Variants in PTPRT observed in about 807,000 individuals in gnomAD.
PTPRT encodes the protein protein tyrosine phosphatase receptor type T.
A neutral mutation model predicts 176.8 loss-of-function variants in PTPRT; 56 were observed. The ratio of observed to expected loss-of-function variants is 0.32; its 90% CI spans 0.26 to 0.40. The LOEUF (loss-of-function observed/expected upper bound fraction) is 0.40. Among genes scored for constraint, PTPRT ranks in the 10% least tolerant of loss-of-function variants. The probability of loss-of-function intolerance (pLI) is 1.00; values close to 1 mark genes in which losing one functional copy is unlikely to be tolerated. For synonymous variants in PTPRT, 783 were observed against 739.0 expected (o/e 1.06, Z -0.96); for missense variants, 1,540 against 1,908.2 (o/e 0.81, Z 3.60).
intron 23 of PTPRT, 130 bp from the exon 24 acceptor site, chr20:42,107,051 TTTC>T: frequency 8.4e-7 from 1 of 1,184,726 alleles, no homozygotes. Context: ...CCACATTTCC[TTTC>T]TTAATATGTA....
chr20:42,383,157 G>A (rs559448259), intron 9 of PTPRT, among the ~76,000 whole-genome samples: 1 of 152,284 alleles, frequency 6.6e-6, no homozygotes, highest in South Asian at 2.1e-4. Context: ...AATTTGAGTG[G>A]TTTAAAACAC....
At chr20:42,809,277 C>T (rs964419782) in intron 2 of PTPRT, among the ~76,000 whole-genome samples, 7 of 152,142 alleles carry the variant, frequency 4.6e-5, no homozygotes, top group African/African-American at 9.7e-5. Flanking sequence ...AAAGGGCTGC[C>T]GGAAACAAAC....
At chr20:42,112,713 C>G (rs766533432) in intron 22 of PTPRT, among the ~76,000 whole-genome samples, 9 of 152,134 alleles carry the variant, frequency 5.9e-5, no homozygotes, top group Non-Finnish European at 1.2e-4. Context: ...CCCCTGCAAA[C>G]TCTCCCTAAA....
chr20:42,897,392 G>A (rs1332228519), intron 1 of PTPRT, among the ~76,000 whole-genome samples: 1 of 152,146 alleles, frequency 6.6e-6, no homozygotes, highest in Non-Finnish European at 1.5e-5. Context: ...AACAACAAAG[G>A]TGGAAGTTAG....
intron 12 of PTPRT, among the ~76,000 whole-genome samples, chr20:42,287,098 G>A (rs562485964): frequency 2.6e-5 from 4 of 151,868 alleles, no homozygotes; most frequent in African/African-American, 7.2e-5. Context: ...ATGCTGCTGA[G>A]GATGTGCAGA....
At chr20:42,307,856 G>A (rs1270249629) in intron 12 of PTPRT, among the ~76,000 whole-genome samples, 1 of 152,144 alleles carries the variant, frequency 6.6e-6, no homozygotes, top group Non-Finnish European at 1.5e-5. Flanking sequence ...TACAGGTCAT[G>A]AAGATGTTGT....
intron 9 of PTPRT, among the ~76,000 whole-genome samples, chr20:42,380,719 G>C (rs1447463292): frequency 6.6e-6 from 1 of 152,198 alleles, no homozygotes; most frequent in African/African-American, 2.4e-5. Flanking sequence ...TGGACTCTGA[G>C]CTCCCCGACA....
chr20:42,184,523 T>TTCTTCTTCC (rs1990654445), intron 16 of PTPRT, among the ~76,000 whole-genome samples: 15 of 100,238 alleles, frequency 1.5e-4, no homozygotes, highest in South Asian at 3.9e-4. Context: ...CTCCTCCTTC[T>TTCTTCTTCC]TCTTCTTCTT....
intron 1 of PTPRT, among the ~76,000 whole-genome samples, chr20:43,023,976 C>T (rs1047630015): frequency 1.3e-5 from 2 of 152,192 alleles, no homozygotes; most frequent in Non-Finnish European, 1.5e-5. Flanking sequence ...CATCTTGGCT[C>T]TGCTGCCTGT....
chr20:43,086,455 T>G (rs889368813), intron 1 of PTPRT, among the ~76,000 whole-genome samples: 4 of 152,256 alleles, frequency 2.6e-5, no homozygotes, highest in African/African-American at 9.6e-5. Flanking sequence ...ACACGTACTG[T>G]GTTGAATTAC....
At chr20:42,472,594 C>T (rs1568910709) in intron 7 of PTPRT, 32 bp from the exon 8 acceptor site, 27 of 1,598,710 alleles carry the variant, frequency 1.7e-5, no homozygotes, top group Non-Finnish European at 2.3e-5. Context: ...AACAAGGGTT[C>T]TGAAGAGACC....
chr20:42,114,608 T>C (rs1472605561), intron 22 of PTPRT, among the ~76,000 whole-genome samples: 2 of 152,198 alleles, frequency 1.3e-5, no homozygotes, highest in African/African-American at 4.8e-5. Context: ...CTGTGCATTG[T>C]GGAATGTTTA....
At chr20:42,758,998 G>A (rs934237523) in intron 5 of PTPRT, among the ~76,000 whole-genome samples, 8 of 152,170 alleles carry the variant, frequency 5.3e-5, no homozygotes, top group Admixed American at 1.3e-4. Flanking sequence ...GCAATGCCCC[G>A]GAAATTCCCA....
intron 7 of PTPRT, among the ~76,000 whole-genome samples, chr20:42,622,423 G>A (rs1041764318): frequency 1.3e-5 from 2 of 152,066 alleles, no homozygotes; most frequent in Admixed American, 6.6e-5. Flanking sequence ...TGTATTTTTA[G>A]TAGAGACGGG....
intron 1 of PTPRT, among the ~76,000 whole-genome samples, chr20:42,945,824 G>T (rs1348129971): frequency 6.6e-6 from 1 of 151,930 alleles, no homozygotes; most frequent in African/African-American, 2.4e-5. Context: ...CTAGTTGCAA[G>T]ACCCTTTCAT....
chr20:42,472,151 T>G, intron 8 of PTPRT, 115 bp downstream of exon 8: 1 of 1,181,214 alleles, frequency 8.5e-7, no homozygotes, highest in South Asian at 1.5e-5. Flanking sequence ...AAAAGAAAGG[T>G]GTGTGTGAGG....
chr20:42,610,967 T>A (rs2073965829), intron 7 of PTPRT, among the ~76,000 whole-genome samples: 1 of 152,228 alleles, frequency 6.6e-6, no homozygotes, highest in Admixed American at 6.5e-5. Context: ...ATCATGTTAT[T>A]TCAAGGTTTG....
At chr20:42,092,182 T>G (rs573379183) in intron 27 of PTPRT, among the ~76,000 whole-genome samples, 105 of 152,290 alleles carry the variant, frequency 6.9e-4, no homozygotes, top group Non-Finnish European at 1.2e-3. Flanking sequence ...TAGTGAGAGC[T>G]GAGGAGGCAA....
intron 9 of PTPRT, among the ~76,000 whole-genome samples, chr20:42,376,636 A>G (rs1218972957): frequency 6.6e-6 from 1 of 152,134 alleles, no homozygotes; most frequent in Non-Finnish European, 1.5e-5. Flanking sequence ...AATGGTGAAA[A>G]GCTCAGACTT....
Sources: gnomAD v4.1 joint callset for allele counts (sites outside exome capture counted in the v4.1 genomes callset) on GRCh38, gnomAD v4.1.1 for gene constraint, MANE v1.5 for transcripts, NCBI Gene and HGNC (gene_info 2026-07-23, HGNC 2026-07-21) for gene names.